The following NRG2 variants were observed in gnomAD, a reference collection of about 807,000 sequenced individuals.
NRG2 encodes the protein neuregulin 2, also known as pro-neuregulin-2, membrane-bound isoform.
Under a neutral mutation model 73.9 loss-of-function variants are expected in NRG2, and 27 were observed. The ratio of observed to expected loss-of-function variants is 0.37; its 90% CI spans 0.27 to 0.50. The LOEUF (loss-of-function observed/expected upper bound fraction) is 0.50, where lower values mean the gene tolerates loss of function less well. Among genes scored for constraint, NRG2 ranks in the 20% least tolerant of loss-of-function variants. NRG2 has a pLI of 0.96. For missense variants in NRG2, 1,126 were observed against 1,210.1 expected (o/e 0.93, Z 1.03); for synonymous variants, 532 against 541.0 (o/e 0.98, Z 0.23).
In NRG2 at chr5:139,865,044, A is replaced by C; in HGVS notation, c.1189+505T>G. The C allele has an allele frequency of 9.5e-5, 117 of 1,234,464 alleles. No homozygotes were observed. The highest frequency in any genetic ancestry group is 1.2e-4 in the Non-Finnish European group (104 of 834,462). The allele number at this position is 1,234,464 out of a possible 1,614,324, so 76.5% of individuals were successfully genotyped here. A position where few individuals can be genotyped will look rare whatever the true frequency, so the allele number is the denominator to read the frequency against. Reference sequence around the variant, plus strand: ...CATCTCCCCCTAGTCTTGCTAAGCAAGGCCCCATCCCTCCCCAGGGGGAGA... The same window carrying C: ...CATCTCCCCCTAGTCTTGCTAAGCACGGCCCCATCCCTCCCCAGGGGGAGA... On this transcript the variant is annotated intron_variant, in intron 5 of 9. Transcript: ENST00000361474. The surrounding 1 kb of genome is among the most constrained non-coding windows in gnomAD (Gnocchi z 5.2).
In NRG2 at chr5:140,042,800, G is replaced by GGCGGCT; in HGVS notation, c.264_269dup (p.Ala89_Ala90dup). 1 of 1,503,892 alleles carries GGCGGCT rather than the reference G, an allele frequency of 6.6e-7. No homozygotes were observed. 93.2% of individuals were successfully genotyped at this position (1,503,892 alleles called of 1,614,324 possible). The stretch of plus-strand genomic sequence containing the variant: ...GGGCCGGGTCGCGCCTCATGCCGCC[G>GGCGGCT]GCGGCTGCGGCTCGCGAACGGGCGG... On this transcript the variant is annotated inframe_insertion, in exon 1 of 10. Coordinates refer to ENST00000361474, the MANE Select transcript of NRG2 (RefSeq NM_004883.3).
chr5:140,022,001 A>G (rs1760269729), intron 1 of NRG2, among the ~76,000 whole-genome samples: 1 of 152,024 alleles, frequency 6.6e-6, no homozygotes, highest in Admixed American at 6.6e-5. Context: ...CTCCAGTCCA[A>G]TCCTCTCACT....
chr5:139,912,269 C>T (rs924951626), intron 1 of NRG2, among the ~76,000 whole-genome samples: 2 of 109,528 alleles, frequency 1.8e-5, no homozygotes, highest in Non-Finnish European at 3.7e-5. Flanking sequence ...CCCAAGGAAA[C>T]GAGAGGCCTT....
At position 139,887,321 on chromosome 5, in the gene NRG2, C is replaced by T. The variant is rs183489405; in HGVS notation, c.872+19G>A. Reference sequence around the variant, plus strand: ...GGAGGGCAGCTGCTTGGATGGAGGACAGGCTGGATATTGCTTACCTGCCGT... The same window carrying T: ...GGAGGGCAGCTGCTTGGATGGAGGATAGGCTGGATATTGCTTACCTGCCGT... On this transcript the variant is annotated intron_variant, in intron 2 of 9. Transcript: ENST00000361474. This position sits in a 1 kb window ranked among gnomAD's most constrained non-coding sequence, Gnocchi z 4.5. 1.1e-4 allele frequency: 170 copies of T among 1,612,900 alleles called. No individual in the cohort carries two copies. In the East Asian group the frequency reaches 3.5e-3, roughly 34 times the overall value.
intron 1 of NRG2, among the ~76,000 whole-genome samples, chr5:139,927,593 G>A (rs555111700): frequency 6.2e-4 from 94 of 151,956 alleles, no homozygotes; most frequent in African/African-American, 2.0e-3. Flanking sequence ...GAGAAACCCC[G>A]TCTCTACTAA....
At chr5:139,855,849 C>T in intron 5 of NRG2, 71 bp from the exon 6 acceptor site, 1 of 1,221,730 alleles carries the variant, frequency 8.2e-7, no homozygotes, top group Non-Finnish European at 1.2e-6. Flanking sequence ...TGCAGAGACC[C>T]CTTTGCCCCC....
intron 1 of NRG2, among the ~76,000 whole-genome samples, chr5:140,001,255 G>T (rs532670782): frequency 1.3e-5 from 2 of 152,116 alleles, no homozygotes; most frequent in African/African-American, 4.8e-5. Flanking sequence ...ATCGTGTATG[G>T]CATATTTGTT....
At chr5:139,945,630 A>T (rs1561699279) in intron 1 of NRG2, among the ~76,000 whole-genome samples, 1 of 151,600 alleles carries the variant, frequency 6.6e-6, no homozygotes, top group Non-Finnish European at 1.5e-5. Context: ...AAATTTTAGG[A>T]TTTTTTTTCC....
chr5:140,035,700 G>A (rs1191657776), intron 1 of NRG2, among the ~76,000 whole-genome samples: 1 of 152,140 alleles, frequency 6.6e-6, no homozygotes, highest in Non-Finnish European at 1.5e-5. Context: ...CTTGGCTTCT[G>A]TTAGTTGGAT....
At chr5:139,857,230 C>T (rs768130637) in intron 5 of NRG2, among the ~76,000 whole-genome samples, 9 of 152,208 alleles carry the variant, frequency 5.9e-5, no homozygotes, top group Admixed American at 2.0e-4. Flanking sequence ...GGAAGATAGA[C>T]GGGCCTGGGC....
intron 1 of NRG2, among the ~76,000 whole-genome samples, chr5:139,890,856 T>C (rs946895030): frequency 6.6e-6 from 1 of 152,208 alleles, no homozygotes; most frequent in Non-Finnish European, 1.5e-5. Flanking sequence ...TATAGCTCAA[T>C]GACTGGTTAC....
Position 139,848,576 on chromosome 5 carries a change from G to T in NRG2, c.1894C>A (p.Pro632Thr). ...CGGTAACTGATGGGCGCCGCCGGCG[G>T]CAGCGACACGGCGTGCGCCGAGTTG... is the stretch of plus-strand genomic sequence containing the variant. Reference protein sequence around the residue: ...SPNSAHAVSLPPAAPISYRLA... With the variant: ...SPNSAHAVSLTPAAPISYRLA... Residue 632 changes from proline to threonine, a missense_variant, in exon 10 of 10, where the codon CCG becomes ACG. Around this residue, in one of 3 missense-constraint regions of NRG2, gnomAD observed 402 missense variants for 357.8 expected, o/e 1.12. Transcript: ENST00000361474. The T allele has an allele frequency of 6.4e-7, 1 of 1,555,676 alleles. No individual in the cohort carries two copies. Among genetic ancestry groups the T allele is most frequent in the Non-Finnish European group, 8.6e-7 (1 of 1,162,278 alleles).
In NRG2 at chr5:139,851,529, C is replaced by T; in HGVS notation, c.1772+75G>A. The T allele has an allele frequency of 7.0e-7, 1 of 1,426,870 alleles. No individual in the cohort carries two copies. Among genetic ancestry groups the T allele is most frequent in the South Asian group, 1.2e-5 (1 of 82,998 alleles). The allele number at this position is 1,426,870 out of a possible 1,614,324, so 88.4% of individuals were successfully genotyped here. On this transcript the variant is annotated intron_variant, in intron 9 of 9. Coordinates refer to ENST00000361474, the MANE Select transcript of NRG2 (RefSeq NM_004883.3). This position sits in a 1 kb window ranked among gnomAD's most constrained non-coding sequence, Gnocchi z 4.2. ...GCTCTTTGGAGTGTTTCTGAGGGGC[C>T]CTAAGGGTCAGCCTTGGGCCAGTGG...
chr5:139,899,536 A>G (rs1275825952), intron 1 of NRG2, among the ~76,000 whole-genome samples: 1 of 152,160 alleles, frequency 6.6e-6, no homozygotes, highest in African/African-American at 2.4e-5. Flanking sequence ...ATAACAAACC[A>G]CTGTCTTCTC....
Position 139,868,230 on chromosome 5 carries a change from G to T in NRG2, c.1113-2605C>A, listed in dbSNP as rs900847653. On this transcript the variant is annotated intron_variant, in intron 4 of 9. Coordinates refer to ENST00000361474, the MANE Select transcript of NRG2 (RefSeq NM_004883.3). The surrounding 1 kb of genome is among the most constrained non-coding windows in gnomAD (Gnocchi z 4.2). Reference sequence around the variant, plus strand: ...CCTATGTCTCTCCTTAGTCCTGTTTGCTGAGGATGAGTCACATTCAGGAGA... The same window carrying T: ...CCTATGTCTCTCCTTAGTCCTGTTTTCTGAGGATGAGTCACATTCAGGAGA... 2.0e-5 allele frequency among the ~76,000 whole-genome samples: 3 copies of T among 152,170 alleles called. No homozygotes were observed. The highest frequency in any genetic ancestry group is 4.8e-5 in the African/African-American group (2 of 41,432).
At chr5:140,031,062 C>T (rs1227007236) in intron 1 of NRG2, among the ~76,000 whole-genome samples, 2 of 152,190 alleles carry the variant, frequency 1.3e-5, no homozygotes, top group African/African-American at 4.8e-5. Context: ...TTGGTCCCAC[C>T]CTCATCCTAT....
chr5:139,988,120 G>A (rs1757314734), intron 1 of NRG2, among the ~76,000 whole-genome samples: 1 of 152,006 alleles, frequency 6.6e-6, no homozygotes, highest in South Asian at 2.1e-4. Context: ...ATATCTATTA[G>A]AATGGCCAAA....
rs1764440391 is a variant in NRG2, at chr5:139,894,596, C to T, written c.701-7085G>A. Among the ~76,000 whole-genome samples the T allele has an allele frequency of 6.6e-6, 1 of 152,162 alleles. No individual in the cohort carries two copies. Among genetic ancestry groups the T allele is most frequent in the Non-Finnish European group, 1.5e-5 (1 of 68,016 alleles). On this transcript the variant is annotated intron_variant, in intron 1 of 9. Transcript: ENST00000361474. The surrounding 1 kb of genome is among the most constrained non-coding windows in gnomAD (Gnocchi z 5.0). Reference sequence around the variant, plus strand: ...ACAGACTCCCAAAGGGAGTGTATGCCCAGCTGGGCTGCTTAGCTTTCCCTG... The same window carrying T: ...ACAGACTCCCAAAGGGAGTGTATGCTCAGCTGGGCTGCTTAGCTTTCCCTG...
At chr5:139,924,384 T>C (rs371826226) in intron 1 of NRG2, among the ~76,000 whole-genome samples, 1 of 152,204 alleles carries the variant, frequency 6.6e-6, no homozygotes, top group East Asian at 1.9e-4. Flanking sequence ...ACCCTGAGTA[T>C]TTTTCTTAAG....
Sources: gnomAD v4.1 joint callset for allele counts (sites outside exome capture counted in the v4.1 genomes callset) on GRCh38, gnomAD v4.1.1 for gene constraint, gnomAD v4.1.1 regional missense constraint, Gnocchi (gnomAD v3.1) non-coding constraint, MANE v1.5 for transcripts, NCBI Gene and HGNC (gene_info 2026-07-23, HGNC 2026-07-21) for gene names.